The following HERPUD2 variants were observed in gnomAD, a reference collection of about 807,000 sequenced individuals.
HERPUD2 encodes the protein homocysteine-responsive endoplasmic reticulum-resident ubiquitin-like domain member 2 protein.
HERPUD2 carries 13 observed loss-of-function variants against 49.9 expected under a neutral mutation model. That is an observed-to-expected ratio of 0.26 (90% confidence interval 0.17 to 0.41). The LOEUF (loss-of-function observed/expected upper bound fraction) is 0.41, where lower values mean the gene tolerates loss of function less well. HERPUD2 is among the 10% of genes least tolerant of loss of function. The probability of loss-of-function intolerance (pLI) is 1.00; values close to 1 mark genes in which losing one functional copy is unlikely to be tolerated. For synonymous variants in HERPUD2, 172 were observed against 171.4 expected (o/e 1.00, Z -0.03); for missense variants, 449 against 492.2 (o/e 0.91, Z 0.83).
At chr7:35,637,795 T>TA (rs1219811499) in intron 6 of HERPUD2, among the ~76,000 whole-genome samples, 2 of 152,026 alleles carry the variant, frequency 1.3e-5, no homozygotes, top group Admixed American at 1.3e-4. Context: ...ACCAGAAAGA[T>TA]AAAAAAGGTA....
intron 2 of HERPUD2, among the ~76,000 whole-genome samples, chr7:35,675,042 A>G (rs892434157): frequency 6.6e-6 from 1 of 152,220 alleles, no homozygotes; most frequent in African/African-American, 2.4e-5. Context: ...CCAGTTGGTC[A>G]AAAACACAGA....
At chr7:35,681,625 T>C (rs1053781302) in intron 2 of HERPUD2, among the ~76,000 whole-genome samples, 11 of 152,102 alleles carry the variant, frequency 7.2e-5, no homozygotes, top group Non-Finnish European at 1.2e-4. Flanking sequence ...TATATAAATA[T>C]ATGCACACAC....
At chr7:35,672,290 AAG>A (rs1057492389) in intron 3 of HERPUD2, among the ~76,000 whole-genome samples, 29 of 151,948 alleles carry the variant, frequency 1.9e-4, no homozygotes, top group African/African-American at 3.9e-4. Context: ...AGAGGAAAGA[AAG>A]AAAAAAAAAC....
At chr7:35,677,402 G>A (rs765751841) in intron 2 of HERPUD2, among the ~76,000 whole-genome samples, 5 of 152,054 alleles carry the variant, frequency 3.3e-5, no homozygotes, top group East Asian at 1.9e-4. Context: ...TCATTATTAC[G>A]TATAGTGTCC....
intron 2 of HERPUD2, among the ~76,000 whole-genome samples, chr7:35,690,292 A>G (rs1363104068): frequency 6.6e-6 from 1 of 152,192 alleles, no homozygotes; most frequent in Non-Finnish European, 1.5e-5. Flanking sequence ...CCAATTATCA[A>G]TATCATTCAA....
At chr7:35,658,021 G>C (rs551560097) in intron 5 of HERPUD2, among the ~76,000 whole-genome samples, 2 of 152,076 alleles carry the variant, frequency 1.3e-5, no homozygotes, top group Non-Finnish European at 2.9e-5. Flanking sequence ...GTATGTCAAA[G>C]ATACCTGCAC....
chr7:35,687,627 C>T (rs1786092246), intron 2 of HERPUD2, among the ~76,000 whole-genome samples: 1 of 152,214 alleles, frequency 6.6e-6, no homozygotes, highest in Admixed American at 6.5e-5. Context: ...GGAAAGCTCA[C>T]TTGCTGGTAT....
At chr7:35,675,449 A>G (rs1785740751) in intron 2 of HERPUD2, among the ~76,000 whole-genome samples, 1 of 152,148 alleles carries the variant, frequency 6.6e-6, no homozygotes, top group Non-Finnish European at 1.5e-5. Flanking sequence ...ACTTATTACA[A>G]TTTGAACCTA....
intron 2 of HERPUD2, among the ~76,000 whole-genome samples, chr7:35,676,240 A>T (rs1172178603): frequency 1.3e-5 from 2 of 152,218 alleles, no homozygotes; most frequent in African/African-American, 4.8e-5. Context: ...GTCTCGTAGA[A>T]CTTTCCAGTC....
intron 2 of HERPUD2, among the ~76,000 whole-genome samples, chr7:35,692,004 A>C (rs1179659217): frequency 6.6e-6 from 1 of 152,214 alleles, no homozygotes; most frequent in East Asian, 1.9e-4. Context: ...TAGAAATGAA[A>C]GTCAGACATT....
At chr7:35,661,934 G>A (rs1014023091) in intron 5 of HERPUD2, among the ~76,000 whole-genome samples, 6 of 152,144 alleles carry the variant, frequency 3.9e-5, no homozygotes, top group African/African-American at 4.8e-5. Flanking sequence ...GGTGAGAGAC[G>A]GCATCCCTGT....
chr7:35,638,487 T>C lies in HERPUD2; in HGVS notation c.495-15A>G, dbSNP rs761455948. On this transcript the variant is annotated splice_polypyrimidine_tract_variant and intron_variant, in intron 5 of 8. Coordinates refer to ENST00000311350, the MANE Select transcript of HERPUD2 (RefSeq NM_022373.5). Reference sequence around the variant, plus strand: ...TGTCTACATTTCTGCAAGAAATAAATAATGAGCTCTTTTAATGCTCTAGCA... The same window carrying C: ...TGTCTACATTTCTGCAAGAAATAAACAATGAGCTCTTTTAATGCTCTAGCA... 1 of 1,610,596 alleles carries C rather than the reference T, an allele frequency of 6.2e-7. No individual in the cohort carries two copies. Among genetic ancestry groups the C allele is most frequent in the Admixed American group, 1.7e-5 (1 of 59,344 alleles).
At chr7:35,638,597 A>T in intron 5 of HERPUD2, 125 bp from the exon 6 acceptor site, 2 of 992,908 alleles carry the variant, frequency 2.0e-6, no homozygotes, top group South Asian at 2.0e-5. Flanking sequence ...GAAAAGAAAA[A>T]TACTTACTTT....
rs1784829728 is a variant in HERPUD2 at position 35,633,961 on chromosome 7, TG to T, written c.1060-111del. On this transcript the variant is annotated intron_variant, in intron 8 of 8. Transcript: ENST00000311350. The stretch of plus-strand genomic sequence containing the variant: ...ACAAAGGACTATGAAGTGGTATGTA[TG>T]TGGTCATTAGAAATCTTTAAGGCCA... 2.6e-6 allele frequency: 3 copies of T among 1,151,838 alleles called. No individual in the cohort carries two copies. The East Asian group carries it at 7.3e-5, about 28-fold the overall frequency. 71.4% of individuals were successfully genotyped at this position (1,151,838 alleles called of 1,614,324 possible). A position where few individuals can be genotyped will look rare whatever the true frequency, so the allele number is the denominator to read the frequency against.
chr7:35,667,337 T>C, intron 5 of HERPUD2, 97 bp downstream of exon 5: 2 of 1,058,110 alleles, frequency 1.9e-6, no homozygotes, highest in South Asian at 1.6e-5. Flanking sequence ...ATTTAAAATG[T>C]ACTTTAATTA....
chr7:35,654,591 T>C (rs1404114729), intron 5 of HERPUD2, among the ~76,000 whole-genome samples: 2 of 87,198 alleles, frequency 2.3e-5, no homozygotes, highest in African/African-American at 1.1e-4. Flanking sequence ...ATTGAATCAG[T>C]AATTAAAAAA....
rs1170103754 is a variant in HERPUD2 at position 35,694,637 on chromosome 7, G to C, written c.-297-10C>G. ...GTGAGGAGAAAGGAAGCTATACGAA[G>C]GAAGGGTGGGAGGGATGAGGGCACA... On this transcript the variant is annotated splice_polypyrimidine_tract_variant and intron_variant, in intron 1 of 8. Coordinates refer to ENST00000311350, the MANE Select transcript of HERPUD2 (RefSeq NM_022373.5). 1 of 374,738 alleles carries C rather than the reference G, an allele frequency of 2.7e-6. No individual in the cohort carries two copies. Among genetic ancestry groups the C allele is most frequent in the Non-Finnish European group, 5.1e-6 (1 of 197,854 alleles). The allele number at this position is 374,738 out of a possible 1,614,324, so 23.2% of individuals were successfully genotyped here.
intron 5 of HERPUD2, among the ~76,000 whole-genome samples, chr7:35,666,734 T>C (rs1292646353): frequency 6.6e-6 from 1 of 152,238 alleles, no homozygotes; most frequent in East Asian, 1.9e-4. Flanking sequence ...GCATTTCCTC[T>C]GGAAGTGCCT....
At chr7:35,656,415 T>C (rs1041079903) in intron 5 of HERPUD2, among the ~76,000 whole-genome samples, 2 of 151,822 alleles carry the variant, frequency 1.3e-5, no homozygotes, top group Admixed American at 6.6e-5. Flanking sequence ...AAGCAATCTA[T>C]AAATTCAATG....
Sources: allele counts gnomAD v4.1 joint callset (sites outside exome capture counted in the v4.1 genomes callset), GRCh38; gene constraint gnomAD v4.1.1; transcripts MANE v1.5; gene names NCBI Gene and HGNC (gene_info 2026-07-23, HGNC 2026-07-21).